DYTN: variants seen among roughly 807,000 people sequenced by gnomAD.
The protein encoded by DYTN is dystrotelin.
In DYTN, 75 loss-of-function variants were observed where a neutral mutation model predicts 69.6. The observed-to-expected ratio is 1.08, with a 90% CI of 0.89 to 1.31. The LOEUF is 1.31. Ranked by LOEUF, DYTN falls within the 50% of genes most tolerant of loss-of-function variation. The probability of loss-of-function intolerance (pLI) is 0.00; values close to 1 mark genes in which losing one functional copy is unlikely to be tolerated. For synonymous variants in DYTN, 252 were observed against 249.1 expected, an observed-to-expected ratio of 1.01 and a Z score of -0.11; for missense variants, 726 against 688.4, an observed-to-expected ratio of 1.05 and a Z score of -0.61.
intron 11 of DYTN, among the ~76,000 whole-genome samples, chr2:206,656,907 T>C (rs1479454566): frequency 6.6e-6 from 1 of 151,862 alleles, no homozygotes; most frequent in Admixed American, 6.6e-5. Context: ...GGATTAAAGG[T>C]GCATGCCACC....
chr2:206,665,861 A>G lies in DYTN; in HGVS notation c.1140+9T>C. 1 of 1,612,742 alleles carries G rather than the reference A, an allele frequency of 6.2e-7. No homozygotes were observed. Among genetic ancestry groups the G allele is most frequent in the Non-Finnish European group, 8.5e-7 (1 of 1,179,324 alleles). On this transcript the variant is annotated intron_variant, in intron 10 of 11. Coordinates refer to ENST00000452335, the MANE Select transcript of DYTN (RefSeq NM_001093730.1). ...AGTCCAGATGGCCAGTGTCCCTCAC[A>G]TTTTATACCTGTAGGTCCCGTCTTA...
At chr2:206,691,207 G>A (rs995597907) in intron 9 of DYTN, among the ~76,000 whole-genome samples, 1 of 152,150 alleles carries the variant, frequency 6.6e-6, no homozygotes, top group Non-Finnish European at 1.5e-5. Flanking sequence ...GAGGTCAGGA[G>A]ATCAAGACCA....
chr2:206,703,237 T>C (rs1221679686), intron 5 of DYTN, among the ~76,000 whole-genome samples: 1 of 152,094 alleles, frequency 6.6e-6, no homozygotes, highest in African/African-American at 2.4e-5. Context: ...AGAAGGAAAA[T>C]GTCCCTCAGC....
At chr2:206,718,183 AG>A (rs1700145966) in intron 1 of DYTN, 77 bp downstream of exon 1, 2 of 1,442,948 alleles carry the variant, frequency 1.4e-6, no homozygotes, top group Admixed American at 4.7e-5. Context: ...TCTTCAAATC[AG>A]AGGTCTGAAA....
rs187237422 is a variant in DYTN, at chr2:206,712,964, C to T, written c.20-2366G>A. Among the ~76,000 whole-genome samples the T allele has an allele frequency of 3.7e-3, 557 of 152,284 alleles. 2 individuals carry two copies. Among genetic ancestry groups the T allele is most frequent in the African/African-American group, 0.013 (524 of 41,562 alleles). ...AATTGTAGATTGGAGCAGAAATCAC[C>T]CTCTTGTCAGGCTGTGTAGCTTGCG... is the stretch of plus-strand genomic sequence containing the variant. On this transcript the variant is annotated intron_variant, in intron 1 of 11. Transcript: ENST00000452335.
chr2:206,690,163 G>A (rs925900853), intron 9 of DYTN, among the ~76,000 whole-genome samples: 1 of 152,208 alleles, frequency 6.6e-6, no homozygotes, highest in Non-Finnish European at 1.5e-5. Context: ...TTCAGGATGA[G>A]CCTACATTTG....
At chr2:206,706,249 A>G (rs575681275) in intron 3 of DYTN, among the ~76,000 whole-genome samples, 2 of 151,936 alleles carry the variant, frequency 1.3e-5, no homozygotes, top group South Asian at 4.2e-4. Flanking sequence ...AGGCAGGCAC[A>G]GGAACAAATA....
intron 11 of DYTN, 73 bp downstream of exon 11, chr2:206,662,830 A>G (rs1699527541): frequency 1.3e-6 from 2 of 1,537,628 alleles, no homozygotes; most frequent in South Asian, 2.6e-5. Context: ...TTGGGCTGTT[A>G]TAAAATCAAG....
At chr2:206,686,295 T>A in intron 9 of DYTN, among the ~76,000 whole-genome samples, 1 of 152,156 alleles carries the variant, frequency 6.6e-6, no homozygotes, top group East Asian at 1.9e-4. Context: ...TTCTGTTGAA[T>A]TTCAAAGAAA....
chr2:206,656,314 A>AATACCATTAACATAAAATATCTTTTTCC (rs2105885971), intron 11 of DYTN, among the ~76,000 whole-genome samples: 3 of 152,128 alleles, frequency 2.0e-5, no homozygotes, highest in Admixed American at 6.5e-5. Flanking sequence ...GCTATTTTTG[A>AATACCATTAACATAAAATATCTTTTTCC]ATACCATTAA....
chr2:206,707,040 G>A (rs1427220597), intron 3 of DYTN, among the ~76,000 whole-genome samples: 2 of 152,162 alleles, frequency 1.3e-5, no homozygotes, highest in Non-Finnish European at 2.9e-5. Flanking sequence ...TGCTTCTCTA[G>A]AGTAGGAGTG....
intron 9 of DYTN, among the ~76,000 whole-genome samples, chr2:206,690,941 C>T (rs1699855912): frequency 6.6e-6 from 1 of 152,084 alleles, no homozygotes. Context: ...AGGACCAAGA[C>T]TAAGTCACGT....
intron 9 of DYTN, among the ~76,000 whole-genome samples, chr2:206,667,991 C>T (rs924979305): frequency 2.6e-5 from 4 of 152,164 alleles, no homozygotes; most frequent in African/African-American, 9.7e-5. Context: ...AGATAGCCCT[C>T]TAACTTCCAG....
Position 206,710,566 on chromosome 2 carries a change from T to C in DYTN, c.52A>G (p.Arg18Gly). Residue 18 changes from arginine to glycine, a missense_variant, in exon 2 of 12, where the codon AGA becomes GGA. By Grantham distance (125) the Arg-to-Gly change is moderately radical. Transcript: ENST00000452335. Reference protein sequence around the residue: ...ALNSIENSIYRTAFKLQSVQT... With the variant: ...ALNSIENSIYGTAFKLQSVQT... ...ACTGATTGTAATTTGAAGGCTGTTC[T>C]ATAAATGGAATTCTCAATACTATTA... 1 of 1,611,964 alleles carries C rather than the reference T, an allele frequency of 6.2e-7. No individual in the cohort carries two copies. The highest frequency in any genetic ancestry group is 2.2e-5 in the East Asian group (1 of 44,830).
chr2:206,681,758 T>C (rs578160443), intron 9 of DYTN, among the ~76,000 whole-genome samples: 2 of 152,320 alleles, frequency 1.3e-5, no homozygotes, highest in East Asian at 3.9e-4. Flanking sequence ...ATTTTCGATG[T>C]GCTGCTGGAT....
chr2:206,676,789 A>G (rs13007234), intron 9 of DYTN, among the ~76,000 whole-genome samples: 65,731 of 151,748 alleles, frequency 0.43, 15,341 homozygotes, highest in African/African-American at 0.61. Context: ...CTTACCACAC[A>G]TACAAATTAA....
intron 8 of DYTN, 85 bp from the exon 9 acceptor site, chr2:206,693,408 T>C (rs1034857123): frequency 3.3e-6 from 5 of 1,493,186 alleles, no homozygotes; most frequent in Non-Finnish European, 4.5e-6. Context: ...CTGGCCACCA[T>C]GAAAGTTTTT....
chr2:206,695,970 T>A (rs1253275975), intron 7 of DYTN, among the ~76,000 whole-genome samples: 5 of 152,242 alleles, frequency 3.3e-5, no homozygotes, highest in Admixed American at 1.3e-4. Flanking sequence ...ATGATAAGAT[T>A]CCAGTGCTCT....
intron 9 of DYTN, among the ~76,000 whole-genome samples, chr2:206,667,097 A>G (rs890845037): frequency 6.6e-6 from 1 of 152,136 alleles, no homozygotes; most frequent in Non-Finnish European, 1.5e-5. Context: ...CTTTAAAACA[A>G]AAGTCAAGCT....
Sources: allele counts gnomAD v4.1 joint callset (sites outside exome capture counted in the v4.1 genomes callset), GRCh38; gene constraint gnomAD v4.1.1; transcripts MANE v1.5; gene names NCBI Gene and HGNC (gene_info 2026-07-23, HGNC 2026-07-21).